CDH18: variants seen among roughly 807,000 people sequenced by gnomAD.
CDH18 encodes the protein cadherin 18, also known as cadherin-18.
A neutral mutation model predicts 67.9 loss-of-function variants in CDH18; 31 were observed. The ratio of observed to expected loss-of-function variants is 0.46; its 90% CI spans 0.34 to 0.62. CDH18 has a LOEUF of 0.62. CDH18 is among the 20% of genes least tolerant of loss of function. The pLI is 0.01. For synonymous variants in CDH18, 362 were observed against 347.2 expected, an observed-to-expected ratio of 1.04 and a Z score of -0.48; for missense variants, 890 against 975.5, an observed-to-expected ratio of 0.91 and a Z score of 1.17.
At chr5:20,521,760 G>C (rs979099871) in intron 1 of CDH18, among the ~76,000 whole-genome samples, 10 of 151,910 alleles carry the variant, frequency 6.6e-5, no homozygotes, top group African/African-American at 2.4e-4. Context: ...CAAGGTTCTT[G>C]TAGGGGTAAC....
chr5:20,174,383 T>A (rs1737066997), intron 2 of CDH18, among the ~76,000 whole-genome samples: 1 of 152,146 alleles, frequency 6.6e-6, no homozygotes, highest in Non-Finnish European at 1.5e-5. Flanking sequence ...GCGTAATACG[T>A]GTTATTGAGC....
chr5:20,131,149 T>C (rs1268628164), intron 2 of CDH18, among the ~76,000 whole-genome samples: 1 of 152,134 alleles, frequency 6.6e-6, no homozygotes, highest in Non-Finnish European at 1.5e-5. Context: ...ACTTTCTTTT[T>C]AAAAATGTAT....
chr5:19,602,410 ATAAAT>A (rs1348530343), intron 6 of CDH18, among the ~76,000 whole-genome samples: 17 of 152,316 alleles, frequency 1.1e-4, no homozygotes, highest in Middle Eastern at 3.4e-3. Flanking sequence ...TATTGTGGAA[ATAAAT>A]TAAAGACATA....
At chr5:19,888,596 T>C (rs1417781704) in intron 2 of CDH18, among the ~76,000 whole-genome samples, 2 of 152,104 alleles carry the variant, frequency 1.3e-5, no homozygotes, top group African/African-American at 2.4e-5. Flanking sequence ...AGTGTTTGCA[T>C]TGTGGCTTTC....
chr5:19,568,208 A>G (rs1347991524), intron 8 of CDH18, among the ~76,000 whole-genome samples: 1 of 151,954 alleles, frequency 6.6e-6, no homozygotes, highest in Admixed American at 6.6e-5. Flanking sequence ...TGCCAGTAAC[A>G]CCCTACCTGC....
intron 1 of CDH18, among the ~76,000 whole-genome samples, chr5:20,337,805 C>G (rs1450339454): frequency 1.3e-5 from 2 of 152,196 alleles, no homozygotes; most frequent in Non-Finnish European, 2.9e-5. Context: ...TACCAATTTA[C>G]TTTATTAGTC....
intron 2 of CDH18, among the ~76,000 whole-genome samples, chr5:20,046,819 G>A (rs1320929122): frequency 6.6e-6 from 1 of 151,574 alleles, no homozygotes; most frequent in Non-Finnish European, 1.5e-5. Flanking sequence ...AGATTTTGGG[G>A]AAAGAAAACA....
At chr5:19,971,608 T>G (rs991921706) in intron 2 of CDH18, among the ~76,000 whole-genome samples, 1 of 151,958 alleles carries the variant, frequency 6.6e-6, no homozygotes, top group Admixed American at 6.6e-5. Flanking sequence ...AGCCAAATAC[T>G]CCATGTTCTC....
chr5:19,883,315 A>G (rs1787863088), intron 2 of CDH18, among the ~76,000 whole-genome samples: 3 of 152,160 alleles, frequency 2.0e-5, no homozygotes. Context: ...ATTGTGTTAC[A>G]CTCTGTGATA....
chr5:19,639,505 G>A (rs1292329077), intron 5 of CDH18, among the ~76,000 whole-genome samples: 1 of 152,168 alleles, frequency 6.6e-6, no homozygotes, highest in Non-Finnish European at 1.5e-5. Flanking sequence ...TGCATCTTTT[G>A]AGAAAAGGAA....
At chr5:20,546,770 T>C (rs867093482) in intron 1 of CDH18, among the ~76,000 whole-genome samples, 18 of 101,454 alleles carry the variant, frequency 1.8e-4, no homozygotes, top group South Asian at 6.6e-4. Flanking sequence ...CACACACACA[T>C]ATGTGCATAT....
chr5:19,686,987 C>G (rs1011583750), intron 5 of CDH18, among the ~76,000 whole-genome samples: 4 of 152,128 alleles, frequency 2.6e-5, no homozygotes, highest in African/African-American at 9.7e-5. Flanking sequence ...AGTGGATGAT[C>G]ACTTTAAGTA....
intron 2 of CDH18, among the ~76,000 whole-genome samples, chr5:19,932,032 AT>A (rs1048775931): frequency 6.6e-6 from 1 of 151,816 alleles, no homozygotes; most frequent in African/African-American, 2.4e-5. Context: ...ACTAAAGTAC[AT>A]TTTTTATAAG....
chr5:19,766,174 C>T (rs529960036), intron 3 of CDH18, among the ~76,000 whole-genome samples: 1 of 152,232 alleles, frequency 6.6e-6, no homozygotes, highest in East Asian at 1.9e-4. Flanking sequence ...CCATCGTGCC[C>T]GACCCAGAAC....
chr5:20,298,047 A>G (rs1411252395), intron 1 of CDH18, among the ~76,000 whole-genome samples: 1 of 152,140 alleles, frequency 6.6e-6, no homozygotes, highest in Non-Finnish European at 1.5e-5. Context: ...TAGCCGTAAG[A>G]CTTTTTTCCA....
chr5:20,301,515 T>A lies in CDH18; in HGVS notation c.-579-46010A>T, dbSNP rs142472322. Among the ~76,000 whole-genome samples the A allele has an allele frequency of 5.1e-3, 775 of 152,210 alleles. 17 individuals are homozygous for A. Among genetic ancestry groups the A allele is most frequent in the Admixed American group, 0.032 (482 of 15,282 alleles). On this transcript the variant is annotated intron_variant, in intron 1 of 14. Transcript: ENST00000507958. The stretch of plus-strand genomic sequence containing the variant: ...GAAAAGACCTCCCCATCATCTACCA[T>A]ACTACGGGACAAATCAGTATCTACT...
intron 1 of CDH18, among the ~76,000 whole-genome samples, chr5:20,413,600 T>C (rs1746993186): frequency 6.6e-6 from 1 of 152,238 alleles, no homozygotes; most frequent in African/African-American, 2.4e-5. Flanking sequence ...GTTGGCTGCA[T>C]AAATGTCTTC....
chr5:20,362,808 T>G (rs1386706821), intron 1 of CDH18, among the ~76,000 whole-genome samples: 1 of 152,190 alleles, frequency 6.6e-6, no homozygotes, highest in Non-Finnish European at 1.5e-5. Context: ...TTGAACCATT[T>G]GTATGCTACA....
At chr5:19,612,866 T>C (rs1749218405) in intron 5 of CDH18, among the ~76,000 whole-genome samples, 1 of 152,022 alleles carries the variant, frequency 6.6e-6, no homozygotes, top group African/African-American at 2.4e-5. Flanking sequence ...CTCGGCCGGA[T>C]GCGGTGGCTC....
Sources: gnomAD v4.1 joint callset for allele counts (sites outside exome capture counted in the v4.1 genomes callset) on GRCh38, gnomAD v4.1.1 for gene constraint, MANE v1.5 for transcripts, NCBI Gene and HGNC (gene_info 2026-07-23, HGNC 2026-07-21) for gene names.